IPO13: variants seen among roughly 807,000 people sequenced by gnomAD.
IPO13 encodes importin-13.
Under a neutral mutation model 115.5 loss-of-function variants are expected in IPO13, and 28 were observed. The ratio of observed to expected loss-of-function variants is 0.24; its 90% confidence interval spans 0.18 to 0.33. The LOEUF is 0.33. Ranked by LOEUF, IPO13 falls within the 10% of genes least tolerant of loss-of-function variation. IPO13 has a pLI of 1.00. For synonymous variants in IPO13, 414 were observed against 478.9 expected, an observed-to-expected ratio of 0.86 and a Z score of 1.77; for missense variants, 785 against 1,204.6, an observed-to-expected ratio of 0.65 and a Z score of 5.16.
rs139484539 is a variant in IPO13, at chr1:43,964,674, G to A, written c.2397+353G>A. Among the ~76,000 whole-genome samples, 15 of 152,240 alleles carry A rather than the reference G, an allele frequency of 9.9e-5. No homozygotes were observed. The East Asian group carries it at 2.9e-3, about 30-fold the overall frequency. ...GTAGGGCTGGAGTTGAAGGGTCTGG[G>A]GTACACTGTCCCCGTGCTCCTGCCG... is the stretch of plus-strand genomic sequence containing the variant. On this transcript the variant is annotated intron_variant, in intron 15 of 19. Transcript: ENST00000372343.
chr1:43,950,282 A>G, intron 2 of IPO13, 129 bp downstream of exon 2: 1 of 1,102,624 alleles, frequency 9.1e-7, no homozygotes, highest in Non-Finnish European at 1.3e-6. Context: ...TACAGCAAGG[A>G]ACCAAAGAAG....
chr1:43,960,124 G>T (rs2085279262), intron 11 of IPO13, 125 bp from the exon 12 acceptor site: 1 of 800,772 alleles, frequency 1.2e-6, no homozygotes, highest in South Asian at 1.5e-5. Context: ...CCATGCCCTG[G>T]GTCCTCAATG....
At position 43,952,912 on chromosome 1, in the gene IPO13, G is replaced by A. The variant is rs1221645933; in HGVS notation, c.821+2759G>A. On this transcript the variant is annotated intron_variant, in intron 2 of 19. Transcript: ENST00000372343. This position sits in a 1 kb window ranked among gnomAD's most constrained non-coding sequence, Gnocchi z 4.7. ...CTTCCCAGGCTTTCCAGCTTAAGGT[G>A]GATACCTAATCCCAGATCTCTTGGC... Among the ~76,000 whole-genome samples, 1 of 152,148 alleles carries A rather than the reference G, an allele frequency of 6.6e-6. No individual in the cohort carries two copies. The highest frequency in any genetic ancestry group is 1.5e-5 in the Non-Finnish European group (1 of 68,030).
chr1:43,967,359 C>T lies in IPO13; in HGVS notation c.2658C>T (p.Ala886=), dbSNP rs375141584. ...CCCGCAGCCTCATGGACTGCTTTGCCGATATCCTGTTCGCCCTGAACAAGC... is the reference window on the plus strand; with the variant it reads ...CCCGCAGCCTCATGGACTGCTTTGCTGATATCCTGTTCGCCCTGAACAAGC... ...QASRSLMDCF[A]DILFALNKHC... The change falls in exon 19 of 20, where the codon GCC becomes GCT. Residue 886 remains alanine, a synonymous_variant. Coordinates refer to ENST00000372343, the MANE Select transcript of IPO13 (RefSeq NM_014652.4). This position sits in a 1 kb window ranked among gnomAD's most constrained non-coding sequence, Gnocchi z 6.1. 1.2e-5 allele frequency: 19 copies of T among 1,614,136 alleles called. No homozygotes were observed. In the African/African-American group the frequency reaches 1.6e-4, roughly 14 times the overall value.
chr1:43,955,347 G>A (rs2085237196), intron 2 of IPO13, among the ~76,000 whole-genome samples: 1 of 151,822 alleles, frequency 6.6e-6, no homozygotes, highest in African/African-American at 2.4e-5. Context: ...CTGACAGACT[G>A]TATTAGTTTC....
At chr1:43,959,363 T>C (rs2085274530) in intron 11 of IPO13, among the ~76,000 whole-genome samples, 2 of 152,190 alleles carry the variant, frequency 1.3e-5, no homozygotes, top group Admixed American at 6.5e-5. Flanking sequence ...GTTGCTCAAA[T>C]TGTCACAAAG....
chr1:43,965,318 A>G (rs2085315009), intron 15 of IPO13, among the ~76,000 whole-genome samples: 1 of 151,718 alleles, frequency 6.6e-6, no homozygotes, highest in Non-Finnish European at 1.5e-5. Flanking sequence ...ACAGATATTT[A>G]TTGAGTGTGT....
chr1:43,961,204 C>T lies in IPO13; in HGVS notation c.2286C>T (p.Pro762=), dbSNP rs1474098373. The change falls in exon 14 of 20, where the codon CCC becomes CCT. Residue 762 remains proline (P), a synonymous_variant. Coordinates refer to ENST00000372343, the MANE Select transcript of IPO13 (RefSeq NM_014652.4). ...TTGCTCATGAGCCTGCCCACTTTCC[C>T]CCAATTGAGGCCCTCTTCCTGCTCG... The part of the protein sequence containing the change: ...HIFAHEPAHF[P]PIEALFLLVT... 6.2e-7 allele frequency: 1 copy of T among 1,614,050 alleles called. No individual in the cohort carries two copies. The highest frequency in any genetic ancestry group is 8.5e-7 in the Non-Finnish European group (1 of 1,180,030).
At position 43,966,427 on chromosome 1, in the gene IPO13, G is replaced by A. The variant is rs879070239; in HGVS notation, c.2398-148G>A. The A allele has an allele frequency of 5.4e-6, 4 of 737,542 alleles. No individual in the cohort carries two copies. In the South Asian group the frequency reaches 6.3e-5, roughly 12 times the overall value. 45.7% of individuals were successfully genotyped at this position (737,542 alleles called of 1,614,324 possible). On this transcript the variant is annotated intron_variant, in intron 15 of 19. Transcript: ENST00000372343. The surrounding 1 kb of genome is among the most constrained non-coding windows in gnomAD (Gnocchi z 4.1). Reference sequence around the variant, plus strand: ...CACCTGACCTACTGAACTCTGAGGTGGTCCGGGTCCCCCAGAGATGGCTGG... The same window carrying A: ...CACCTGACCTACTGAACTCTGAGGTAGTCCGGGTCCCCCAGAGATGGCTGG...
chr1:43,957,845 C>T, intron 7 of IPO13, 132 bp from the exon 8 acceptor site: 6 of 860,542 alleles, frequency 7.0e-6, no homozygotes. Context: ...ATGCATATGT[C>T]CTCTGAATGG....
Position 43,967,260 on chromosome 1 carries a change from G to C in IPO13, c.2614-55G>C. 4.5e-6 allele frequency: 7 copies of C among 1,570,958 alleles called. No individual in the cohort carries two copies. Among genetic ancestry groups the C allele is most frequent in the Non-Finnish European group, 6.1e-6 (7 of 1,148,520 alleles). On this transcript the variant is annotated intron_variant, in intron 18 of 19. Transcript: ENST00000372343. This position sits in a 1 kb window ranked among gnomAD's most constrained non-coding sequence, Gnocchi z 6.1. ...CAGAGGGCAGTTAGGCATTCTTGCT[G>C]CAGAAGCGGCGGAAGGGGCAACACC...
At chr1:43,965,084 TG>T (rs1464972232) in intron 15 of IPO13, among the ~76,000 whole-genome samples, 1 of 151,952 alleles carries the variant, frequency 6.6e-6, no homozygotes, top group African/African-American at 2.4e-5. Flanking sequence ...GGACGTGTGT[TG>T]GAGGTGTGTG....
intron 15 of IPO13, 55 bp downstream of exon 15, chr1:43,964,376 A>G (rs2085308518): frequency 1.8e-5 from 25 of 1,378,810 alleles, no homozygotes; most frequent in Middle Eastern, 1.9e-4. Context: ...TCTTTCTCTT[A>G]TGTTGAAATT....
At chr1:43,965,549 G>A (rs575246597) in intron 15 of IPO13, among the ~76,000 whole-genome samples, 9 of 152,172 alleles carry the variant, frequency 5.9e-5, no homozygotes, top group Admixed American at 2.6e-4. Flanking sequence ...TTGTGGATGG[G>A]TATGTTGGAA....
At chr1:43,947,789 C>A in intron 1 of IPO13, 105 bp downstream of exon 1, 1 of 539,320 alleles carries the variant, frequency 1.9e-6, no homozygotes, top group Middle Eastern at 3.3e-4. Context: ...TGGTATGGTG[C>A]CCCCAGAGCA....
chr1:43,952,292 C>A lies in IPO13; in HGVS notation c.821+2139C>A, dbSNP rs2085214702. ...TCAAGCGATTCTCTTGCCTCAGCCT[C>A]CAGAATAGCTGGGATTACAGGCGTG... On this transcript the variant is annotated intron_variant, in intron 2 of 19. Transcript: ENST00000372343. This position sits in a 1 kb window ranked among gnomAD's most constrained non-coding sequence, Gnocchi z 4.7. Among the ~76,000 whole-genome samples, 1 of 152,194 alleles carries A rather than the reference C, an allele frequency of 6.6e-6. No homozygotes were observed. Among genetic ancestry groups the A allele is most frequent in the Admixed American group, 6.5e-5 (1 of 15,284 alleles).
Position 43,955,859 on chromosome 1 carries a change from C to A in IPO13, c.822-461C>A, listed in dbSNP as rs891746703. Among the ~76,000 whole-genome samples the A allele has an allele frequency of 5.9e-5, 9 of 152,082 alleles. No individual in the cohort carries two copies. The South Asian group carries it at 6.2e-4, about 11-fold the overall frequency. ...CCCCACATGCAAAATATATTCACTT[C>A]ATCTCAATCTCCCCAAAAGTTGTAA... On this transcript the variant is annotated intron_variant, in intron 2 of 19. Coordinates refer to ENST00000372343, the MANE Select transcript of IPO13 (RefSeq NM_014652.4).
Position 43,947,608 on chromosome 1 carries a change from G to A in IPO13, c.8G>A (p.Arg3Gln), listed in dbSNP as rs1354357734. The A allele has an allele frequency of 3.8e-6, 5 of 1,314,518 alleles. No homozygotes were observed. Among genetic ancestry groups the A allele is most frequent in the Middle Eastern group, 4.0e-4 (2 of 5,050 alleles). 81.4% of individuals were successfully genotyped at this position (1,314,518 alleles called of 1,614,324 possible). A position where few individuals can be genotyped will look rare whatever the true frequency, so the allele number is the denominator to read the frequency against. ME[R>Q]REEQPGAAGA... Reference sequence around the variant, plus strand: ...GCCAGGGAGGGAGCAAAGATGGAGCGGCGGGAGGAGCAGCCGGGGGCTGCA... The same window carrying A: ...GCCAGGGAGGGAGCAAAGATGGAGCAGCGGGAGGAGCAGCCGGGGGCTGCA... Residue 3 changes from arginine (R) to glutamine (Q), a missense_variant, in exon 1 of 20, where the codon CGG becomes CAG. Coordinates refer to ENST00000372343, the MANE Select transcript of IPO13 (RefSeq NM_014652.4).
At position 43,952,285 on chromosome 1, in the gene IPO13, T is replaced by C. The variant is rs1166336359; in HGVS notation, c.821+2132T>C. Among the ~76,000 whole-genome samples the C allele has an allele frequency of 6.6e-6, 1 of 152,206 alleles. No homozygotes were observed. Among genetic ancestry groups the C allele is most frequent in the African/African-American group, 2.4e-5 (1 of 41,446 alleles). On this transcript the variant is annotated intron_variant, in intron 2 of 19. Transcript: ENST00000372343. The surrounding 1 kb of genome is among the most constrained non-coding windows in gnomAD (Gnocchi z 4.7). ...CCCGGGTTCAAGCGATTCTCTTGCC[T>C]CAGCCTCCAGAATAGCTGGGATTAC...
Sources: gnomAD v4.1 joint callset for allele counts (sites outside exome capture counted in the v4.1 genomes callset) on GRCh38, gnomAD v4.1.1 for gene constraint, Gnocchi (gnomAD v3.1) non-coding constraint, MANE v1.5 for transcripts, NCBI Gene and HGNC (gene_info 2026-07-23, HGNC 2026-07-21) for gene names.